B9D1: variants seen among roughly 807,000 people sequenced by gnomAD.
The protein encoded by B9D1 is B9 domain-containing protein 1.
B9D1 carries 20 observed loss-of-function variants against 26.1 expected under a neutral mutation model. That is an observed-to-expected ratio of 0.77 (90% confidence interval 0.54 to 1.12). B9D1 has a LOEUF of 1.12. Ranked by LOEUF, B9D1 falls within the 50% of genes most tolerant of loss-of-function variation. The pLI is 0.00. For missense variants in B9D1, 260 were observed against 273.7 expected, an observed-to-expected ratio of 0.95 and a Z score of 0.35; for synonymous variants, 105 against 103.1, an observed-to-expected ratio of 1.02 and a Z score of -0.11.
At chr17:19,350,540 C>T (rs1462515624) in intron 3 of B9D1, among the ~76,000 whole-genome samples, 1 of 151,950 alleles carries the variant, frequency 6.6e-6, no homozygotes, top group Non-Finnish European at 1.5e-5. Context: ...AAGACTCCAT[C>T]TCAAAAATAA....
intron 1 of B9D1, among the ~76,000 whole-genome samples, chr17:19,375,315 A>G (rs1475516424): frequency 6.6e-6 from 1 of 151,986 alleles, no homozygotes; most frequent in Non-Finnish European, 1.5e-5. Context: ...AGGTCAAAGG[A>G]TTTGAATAGA....
chr17:19,369,506 T>A (rs1911778357), intron 1 of B9D1, among the ~76,000 whole-genome samples: 1 of 151,690 alleles, frequency 6.6e-6, no homozygotes, highest in Non-Finnish European at 1.5e-5. Context: ...TCACTGGGGG[T>A]AGGAGATGAG....
chr17:19,335,216 G>A (rs1907348559), downstream of B9D1: 3 of 443,558 alleles, frequency 6.8e-6, no homozygotes, highest in Non-Finnish European at 1.2e-5. Flanking sequence ...GCCTCCAGTT[G>A]CCTTTTCCTT....
intron 5 of B9D1, among the ~76,000 whole-genome samples, chr17:19,344,798 G>A (rs893038897): frequency 7.9e-5 from 12 of 152,372 alleles, no homozygotes; most frequent in African/African-American, 2.2e-4. Flanking sequence ...CTCAGCTGCC[G>A]CAGAGTTGGC....
chr17:19,353,921 C>T (rs1238553672), intron 3 of B9D1, among the ~76,000 whole-genome samples: 1 of 152,044 alleles, frequency 6.6e-6, no homozygotes, highest in Admixed American at 6.5e-5. Context: ...GCCTGGGCAA[C>T]AAGAGCAAAA....
intron 3 of B9D1, among the ~76,000 whole-genome samples, chr17:19,352,351 CTT>C (rs776525255): frequency 6.9e-6 from 1 of 145,966 alleles, no homozygotes; most frequent in African/African-American, 2.5e-5. Flanking sequence ...TTACTAATTT[CTT>C]TTTTTTTTTG....
intron 3 of B9D1, among the ~76,000 whole-genome samples, chr17:19,351,091 G>A (rs191999073): frequency 1.3e-5 from 2 of 152,096 alleles, no homozygotes; most frequent in African/African-American, 4.8e-5. Flanking sequence ...TGCCTGCCTC[G>A]GCCTCCCAAA....
At chr17:19,354,880 G>C (rs1376564925) in intron 3 of B9D1, among the ~76,000 whole-genome samples, 1 of 152,206 alleles carries the variant, frequency 6.6e-6, no homozygotes, top group Non-Finnish European at 1.5e-5. Context: ...TCAACTGTTT[G>C]ATTATCATGC....
At chr17:19,352,514 ATTTTTT>A (rs34659490) in intron 3 of B9D1, among the ~76,000 whole-genome samples, 1 of 95,118 alleles carries the variant, frequency 1.1e-5, no homozygotes, top group Non-Finnish European at 2.0e-5. Flanking sequence ...GGCCTGGCTA[ATTTTTT>A]TTTTTTTTTT....
intron 5 of B9D1, 52 bp from the exon 6 acceptor site, chr17:19,343,909 G>T: frequency 6.2e-7 from 1 of 1,611,570 alleles, no homozygotes. Context: ...GGCATTCCTG[G>T]TCTTGGACGA....
At chr17:19,336,633 A>G (rs1007025385), downstream of B9D1, 1 of 152,176 alleles carries the variant, frequency 6.6e-6, no homozygotes, top group African/African-American at 2.4e-5. Flanking sequence ...TCTCAGTCCC[A>G]GAGGCCGGTG....
chr17:19,373,009 T>C (rs1180548311), intron 1 of B9D1, among the ~76,000 whole-genome samples: 1 of 152,156 alleles, frequency 6.6e-6, no homozygotes, highest in Non-Finnish European at 1.5e-5. Flanking sequence ...CTGAGGAGTT[T>C]GGCTGAGCCG....
chr17:19,356,431 G>A (rs1032666234), intron 3 of B9D1, among the ~76,000 whole-genome samples: 2 of 152,172 alleles, frequency 1.3e-5, no homozygotes, highest in East Asian at 3.8e-4. Context: ...GTGCCTTGGT[G>A]TAACAATCTT....
intron 3 of B9D1, among the ~76,000 whole-genome samples, chr17:19,354,922 CTTGAG>C (rs1910131226): frequency 6.6e-6 from 1 of 152,168 alleles, no homozygotes; most frequent in African/African-American, 2.4e-5. Flanking sequence ...ATTTATCCTG[CTTGAG>C]TTTTGTCTTC....
At position 19,343,808 on chromosome 17, in the gene B9D1, G is replaced by C; in HGVS notation, c.454C>G (p.Gln152Glu). 6.2e-7 allele frequency: 1 copy of C among 1,614,118 alleles called. No individual in the cohort carries two copies. The highest frequency in any genetic ancestry group is 1.1e-5 in the South Asian group (1 of 91,086). Residue 152 changes from glutamine to glutamate, a missense_variant, in exon 6 of 7, where the codon CAG becomes GAG. Gln to Glu is a conservative substitution (Grantham distance 29). Transcript: ENST00000261499. Reference sequence around the variant, plus strand: ...GCTTTACCTTCCCGGCCTTCACCCTGAGCCACCACCTTGGGGTCTGTGTAC... The same window carrying C: ...GCTTTACCTTCCCGGCCTTCACCCTCAGCCACCACCTTGGGGTCTGTGTAC... ...PEYTDPKVVAQGEGREVTRVR... is the reference protein window; with the variant it reads ...PEYTDPKVVAEGEGREVTRVR...
intron 1 of B9D1, among the ~76,000 whole-genome samples, chr17:19,368,075 AGCCTCCT>A (rs1215504599): frequency 6.6e-6 from 1 of 152,192 alleles, no homozygotes; most frequent in Non-Finnish European, 1.5e-5. Context: ...ACTCGGATCC[AGCCTCCT>A]GCAGCATAAC....
downstream of B9D1, among the ~76,000 whole-genome samples, chr17:19,337,234 G>C (rs1907526256): frequency 2.6e-5 from 2 of 77,614 alleles, no homozygotes; most frequent in African/African-American, 1.2e-4. Context: ...TTCTTAGGTG[G>C]CTTGCTGTGC....
intron 3 of B9D1, among the ~76,000 whole-genome samples, chr17:19,355,123 G>C (rs1910155640): frequency 6.6e-6 from 1 of 152,094 alleles, no homozygotes; most frequent in South Asian, 2.1e-4. Context: ...TTTCACTGTA[G>C]ATATTTTCCT....
chr17:19,362,613 G>T lies in B9D1; in HGVS notation c.-44C>A. ...GGGGGGACCCACCTAGGCCGCGCGCGGTTGCTAAGAGACGCCGGCGTTGCC... is the reference window on the plus strand; with the variant it reads ...GGGGGGACCCACCTAGGCCGCGCGCTGTTGCTAAGAGACGCCGGCGTTGCC... On this transcript the variant is annotated 5_prime_UTR_variant, in exon 1 of 7. Coordinates refer to ENST00000261499, the MANE Select transcript of B9D1 (RefSeq NM_015681.6). 1 of 1,573,784 alleles carries T rather than the reference G, an allele frequency of 6.4e-7. No homozygotes were observed.
Sources: gnomAD v4.1 joint callset for allele counts (sites outside exome capture counted in the v4.1 genomes callset) on GRCh38, gnomAD v4.1.1 for gene constraint, MANE v1.5 for transcripts, NCBI Gene and HGNC (gene_info 2026-07-23, HGNC 2026-07-21) for gene names.